Variants in RTF1 observed in about 807,000 individuals in gnomAD.
RTF1 encodes RTF1 homolog, Paf1/RNA polymerase II complex component.
RTF1 carries 10 observed loss-of-function variants against 95.7 expected under a neutral mutation model. The ratio of observed to expected loss-of-function variants is 0.10; its 90% CI spans 0.06 to 0.18. RTF1 has a LOEUF of 0.18. RTF1 is among the 10% of genes least tolerant of loss of function. The pLI, the probability that RTF1 is intolerant of heterozygous loss-of-function variation, is 1.00. For missense variants in RTF1, 458 were observed against 875.6 expected (o/e 0.52, Z 6.02); for synonymous variants, 305 against 311.8 (o/e 0.98, Z 0.23).
chr15:41,473,750 G>A (rs947037226), intron 8 of RTF1, among the ~76,000 whole-genome samples: 1 of 151,738 alleles, frequency 6.6e-6, no homozygotes, highest in African/African-American at 2.4e-5. Context: ...CTTTTTTGTA[G>A]AGACTGGGTC....
intron 1 of RTF1, among the ~76,000 whole-genome samples, chr15:41,417,655 G>C (rs943352492): frequency 9.8e-5 from 15 of 152,362 alleles, no homozygotes; most frequent in African/African-American, 3.6e-4. Context: ...GGCTGGGAGA[G>C]ATAGGAAGTA....
At chr15:41,475,157 A>G (rs74012298) in intron 9 of RTF1, among the ~76,000 whole-genome samples, 2,431 of 152,336 alleles carry the variant, frequency 0.016, 77 homozygotes, top group African/African-American at 0.056. Context: ...AGGTGCCATC[A>G]TAGTGCACTG....
At chr15:41,418,859 A>T (rs1239453366) in intron 1 of RTF1, among the ~76,000 whole-genome samples, 2 of 151,304 alleles carry the variant, frequency 1.3e-5, no homozygotes, top group Non-Finnish European at 2.9e-5. Flanking sequence ...TTATTTATTT[A>T]TTTATTTTTT....
chr15:41,459,388 G>T (rs1329418292), intron 4 of RTF1, among the ~76,000 whole-genome samples: 1 of 152,176 alleles, frequency 6.6e-6, no homozygotes, highest in South Asian at 2.1e-4. Context: ...AAAAAAGGGA[G>T]GGGAATTATA....
chr15:41,480,379 T>C, intron 17 of RTF1, 54 bp downstream of exon 17: 1 of 1,280,900 alleles, frequency 7.8e-7, no homozygotes, highest in Admixed American at 1.7e-5. Context: ...GATCCATGGT[T>C]TTCTGGGGCA....
At chr15:41,455,068 CA>C in intron 3 of RTF1, among the ~76,000 whole-genome samples, 1 of 152,094 alleles carries the variant, frequency 6.6e-6, no homozygotes, top group East Asian at 1.9e-4. Context: ...GTAATCCCAG[CA>C]CTTTGGGAGG....
chr15:41,469,072 G>A (rs529624536), intron 6 of RTF1, among the ~76,000 whole-genome samples: 1 of 151,850 alleles, frequency 6.6e-6, no homozygotes, highest in Non-Finnish European at 1.5e-5. Flanking sequence ...GGGTTCAAGC[G>A]ATTCTCCCAC....
chr15:41,478,441 C>A (rs879072333), intron 14 of RTF1, 107 bp from the exon 15 acceptor site: 5 of 606,840 alleles, frequency 8.2e-6, no homozygotes, highest in Admixed American at 2.9e-5. Flanking sequence ...AGGATAATAG[C>A]TTTTTTTTTT....
chr15:41,475,425 AATAGGTAT>A, intron 9 of RTF1, 92 bp from the exon 10 acceptor site: 1 of 862,860 alleles, frequency 1.2e-6, no homozygotes, highest in East Asian at 2.5e-5. Context: ...GAACCACTGC[AATAGGTAT>A]ATATAGGTGG....
intron 1 of RTF1, among the ~76,000 whole-genome samples, chr15:41,422,141 TCTC>T (rs2033938634): frequency 6.6e-6 from 1 of 152,090 alleles, no homozygotes; most frequent in East Asian, 1.9e-4. Flanking sequence ...TTCAAGCAAT[TCTC>T]CTGCCTCAGC....
chr15:41,449,052 T>G (rs2050777293), intron 2 of RTF1, among the ~76,000 whole-genome samples: 1 of 151,576 alleles, frequency 6.6e-6, no homozygotes, highest in African/African-American at 2.4e-5. Context: ...GCCCAGCTAA[T>G]TTTTGTATTT....
At chr15:41,418,329 G>C (rs2050582406) in intron 1 of RTF1, among the ~76,000 whole-genome samples, 1 of 152,180 alleles carries the variant, frequency 6.6e-6, no homozygotes, top group South Asian at 2.1e-4. Flanking sequence ...CTGGGCTTAT[G>C]CTATTTTCTA....
At chr15:41,455,175 A>C (rs150973356) in intron 3 of RTF1, among the ~76,000 whole-genome samples, 3 of 151,950 alleles carry the variant, frequency 2.0e-5, no homozygotes, top group African/African-American at 4.8e-5. Flanking sequence ...TTAGCTCAGC[A>C]TGGTGGTGCC....
At chr15:41,445,181 C>T (rs565243668) in intron 2 of RTF1, among the ~76,000 whole-genome samples, 2 of 152,084 alleles carry the variant, frequency 1.3e-5, no homozygotes, top group African/African-American at 2.4e-5. Context: ...GTGATCCACC[C>T]GCCTCAGCCT....
At chr15:41,423,746 T>G (rs539562313) in intron 1 of RTF1, among the ~76,000 whole-genome samples, 6 of 151,874 alleles carry the variant, frequency 4.0e-5, no homozygotes, top group Non-Finnish European at 8.8e-5. Flanking sequence ...GTGTATTTAT[T>G]TTTATTTATT....
chr15:41,475,977 T>G (rs2050940096), intron 11 of RTF1, among the ~76,000 whole-genome samples, 158 bp downstream of exon 11: 1 of 152,190 alleles, frequency 6.6e-6, no homozygotes, highest in African/African-American at 2.4e-5. Flanking sequence ...TTCATCAAGC[T>G]TTTTTCTATA....
chr15:41,471,469 C>A (rs1184984919), intron 8 of RTF1, 120 bp downstream of exon 8: 8 of 1,040,410 alleles, frequency 7.7e-6, no homozygotes, highest in Non-Finnish European at 1.1e-5. Flanking sequence ...AAAGTAGACT[C>A]CAAGTGGGAT....
chr15:41,460,889 T>C (rs1458288449), intron 4 of RTF1, among the ~76,000 whole-genome samples: 1 of 150,246 alleles, frequency 6.7e-6, no homozygotes, highest in Non-Finnish European at 1.5e-5. Context: ...CTTTTTTTTT[T>C]TTTTTGAGAT....
At chr15:41,468,442 T>C (rs982718416) in intron 6 of RTF1, among the ~76,000 whole-genome samples, 9 of 152,056 alleles carry the variant, frequency 5.9e-5, no homozygotes, top group African/African-American at 1.2e-4. Flanking sequence ...CTCAGCCTCC[T>C]GAGTAGCTGG....
Sources: gnomAD v4.1 joint callset for allele counts (sites outside exome capture counted in the v4.1 genomes callset) on GRCh38, gnomAD v4.1.1 for gene constraint, MANE v1.5 for transcripts, NCBI Gene and HGNC (gene_info 2026-07-23, HGNC 2026-07-21) for gene names.